The following DSCAML1 variants were observed in gnomAD, a reference collection of about 807,000 sequenced individuals.
DSCAML1 encodes the protein DS cell adhesion molecule like 1.
A neutral mutation model predicts 200.5 loss-of-function variants in DSCAML1; 38 were observed. That is an observed-to-expected ratio of 0.19 (90% CI 0.15 to 0.25). The LOEUF (loss-of-function observed/expected upper bound fraction) is 0.25. Among genes scored for constraint, DSCAML1 ranks in the 10% least tolerant of loss-of-function variants. The pLI, the probability that DSCAML1 is intolerant of heterozygous loss-of-function variation, is 1.00. For synonymous variants in DSCAML1, 1,215 were observed against 1,165.0 expected (o/e 1.04, Z -0.87); for missense variants, 2,223 against 2,858.8 (o/e 0.78, Z 5.07).
chr11:117,688,049 G>A (rs772315559), intron 3 of DSCAML1, among the ~76,000 whole-genome samples: 1 of 152,198 alleles, frequency 6.6e-6, no homozygotes, highest in African/African-American at 2.4e-5. Flanking sequence ...GGAGGAAGGA[G>A]GGAGGAAGAA....
At chr11:117,428,980 C>T (rs1156817524) in intron 32 of DSCAML1, among the ~76,000 whole-genome samples, 177 bp from the exon 33 acceptor site, 1 of 152,152 alleles carries the variant, frequency 6.6e-6, no homozygotes, top group Non-Finnish European at 1.5e-5. Context: ...TCTGAGCCTT[C>T]GTTTCCTTAT....
At position 117,666,396 on chromosome 11, in the gene DSCAML1, G is replaced by A. The variant is rs187116172; in HGVS notation, c.511+110395C>T. Among the ~76,000 whole-genome samples the A allele has an allele frequency of 2.5e-3, 382 of 152,338 alleles. 1 individual carries two copies. The highest frequency in any genetic ancestry group is 8.6e-3 in the African/African-American group (357 of 41,578). On this transcript the variant is annotated intron_variant, in intron 3 of 32. Transcript: ENST00000651296. The stretch of plus-strand genomic sequence containing the variant: ...TTAGTGCCCCTGCCTCTGTCTAATA[G>A]TCAGACGCCTACATTATAACAGAGT...
rs1337824885 is a variant in DSCAML1, at chr11:117,776,827, C to A, written c.475G>T (p.Val159Leu). The change falls in exon 3 of 33, where the codon GTA becomes TTA. Residue 159 changes from valine (V) to leucine (L), a missense_variant. By Grantham distance (32) the Val-to-Leu change is conservative (BLOSUM62 1). Coordinates refer to ENST00000651296, the MANE Select transcript of DSCAML1 (RefSeq NM_020693.4). ...PSSVQEYVSVVSWEKDTVSII... is the reference protein window; with the variant it reads ...PSSVQEYVSVLSWEKDTVSII... Reference sequence around the variant, plus strand: ...GAGACTGTGTCTTTCTCCCAAGATACAACGCTAACATATTCCTGCACTGAA... The same window carrying A: ...GAGACTGTGTCTTTCTCCCAAGATAAAACGCTAACATATTCCTGCACTGAA... The A allele has an allele frequency of 1.2e-6, 2 of 1,614,050 alleles. No homozygotes were observed. The highest frequency in any genetic ancestry group is 1.7e-6 in the Non-Finnish European group (2 of 1,180,028).
In DSCAML1 at chr11:117,481,933, G is replaced by GA. The variant is rs2048931686; in HGVS notation, c.2559+29_2559+30insT. 3 of 1,611,832 alleles carry GA rather than the reference G, an allele frequency of 1.9e-6. No individual in the cohort carries two copies. In the African/African-American group the frequency reaches 4.0e-5, roughly 21 times the overall value. ...GGCTCCCCACTCTCTGAGAGTTGGG[G>GA]TCCCCCAGCACTGAGGTGGGGGTGC... On this transcript the variant is annotated intron_variant, in intron 12 of 32. Coordinates refer to ENST00000651296, the MANE Select transcript of DSCAML1 (RefSeq NM_020693.4).
intron 3 of DSCAML1, among the ~76,000 whole-genome samples, chr11:117,742,027 T>C (rs530611987): frequency 3.2e-4 from 48 of 152,300 alleles, no homozygotes; most frequent in Non-Finnish European, 5.1e-4. Context: ...ATGAGACATC[T>C]CCTCTCCTCA....
At chr11:117,646,311 A>G (rs1455854709) in intron 3 of DSCAML1, among the ~76,000 whole-genome samples, 1 of 151,554 alleles carries the variant, frequency 6.6e-6, no homozygotes, top group East Asian at 1.9e-4. Context: ...TCCCAGGGAA[A>G]GGTTTTCTGT....
intron 13 of DSCAML1, 133 bp downstream of exon 13, chr11:117,481,041 T>C: frequency 1.2e-6 from 1 of 842,912 alleles, no homozygotes; most frequent in Non-Finnish European, 1.9e-6. Flanking sequence ...AGGGAGGCTT[T>C]TCCCCAGAAG....
At chr11:117,758,193 C>A (rs1486142836) in intron 3 of DSCAML1, among the ~76,000 whole-genome samples, 1 of 150,594 alleles carries the variant, frequency 6.6e-6, no homozygotes, top group African/African-American at 2.4e-5. Flanking sequence ...CCCAGCTAGT[C>A]GGGAGGCTGA....
At chr11:117,612,558 T>A (rs2051717998) in intron 3 of DSCAML1, among the ~76,000 whole-genome samples, 1 of 151,998 alleles carries the variant, frequency 6.6e-6, no homozygotes, top group South Asian at 2.1e-4. Context: ...AATAAAGAGA[T>A]CAATACTGGT....
At chr11:117,811,714 G>A (rs1008756137) in intron 1 of DSCAML1, among the ~76,000 whole-genome samples, 5 of 152,276 alleles carry the variant, frequency 3.3e-5, no homozygotes, top group African/African-American at 9.6e-5. Flanking sequence ...AAGGCTCCCT[G>A]ACTGACTCCT....
At chr11:117,429,641 T>C (rs908384316) in intron 32 of DSCAML1, among the ~76,000 whole-genome samples, 1 of 152,244 alleles carries the variant, frequency 6.6e-6, no homozygotes, top group African/African-American at 2.4e-5. Context: ...CCCAAAGTGC[T>C]GGGATTACAG....
At chr11:117,753,363 C>G (rs1046113080) in intron 3 of DSCAML1, among the ~76,000 whole-genome samples, 8 of 152,288 alleles carry the variant, frequency 5.3e-5, no homozygotes, top group African/African-American at 1.9e-4. Flanking sequence ...TCCCTTTGCC[C>G]TTTGTTGCTG....
At chr11:117,644,563 C>T (rs1244879468) in intron 3 of DSCAML1, among the ~76,000 whole-genome samples, 2 of 152,276 alleles carry the variant, frequency 1.3e-5, no homozygotes, top group Non-Finnish European at 2.9e-5. Context: ...ACATCCATCA[C>T]TTTCCCCAGC....
intron 3 of DSCAML1, among the ~76,000 whole-genome samples, chr11:117,733,918 T>C (rs1188299184): frequency 6.6e-6 from 1 of 151,388 alleles, no homozygotes; most frequent in Non-Finnish European, 1.5e-5. Context: ...CCTCTGGGCC[T>C]CCAATCTCAG....
Position 117,506,499 on chromosome 11 carries a change from C to T in DSCAML1, c.1784-767G>A, listed in dbSNP as rs557918990. ...GTGTCATCACCGTGTGGCTTGGTTGCCTCTCCAAGAAAGCCCCAGACATGC... is the reference window on the plus strand; with the variant it reads ...GTGTCATCACCGTGTGGCTTGGTTGTCTCTCCAAGAAAGCCCCAGACATGC... On this transcript the variant is annotated intron_variant, in intron 8 of 32. Coordinates refer to ENST00000651296, the MANE Select transcript of DSCAML1 (RefSeq NM_020693.4). 2.6e-5 allele frequency among the ~76,000 whole-genome samples: 4 copies of T among 151,664 alleles called. No homozygotes were observed. In the East Asian group the frequency reaches 7.8e-4, roughly 29 times the overall value.
rs2048900721 is a variant in DSCAML1, at chr11:117,480,847, A to G, written c.2657-276T>C. 6.6e-6 allele frequency among the ~76,000 whole-genome samples: 1 copy of G among 151,862 alleles called. No homozygotes were observed. The highest frequency in any genetic ancestry group is 1.9e-4 in the East Asian group (1 of 5,168). On this transcript the variant is annotated intron_variant, in intron 13 of 32. Transcript: ENST00000651296. The surrounding 1 kb of genome is among the most constrained non-coding windows in gnomAD (Gnocchi z 4.1). The stretch of plus-strand genomic sequence containing the variant: ...TAGCTGACGGCATTTTTCCCCTTCC[A>G]ACTTCCCCAGCTTGACTTTCCCTTC...
chr11:117,571,162 C>T (rs2050842151), intron 3 of DSCAML1, among the ~76,000 whole-genome samples: 1 of 152,232 alleles, frequency 6.6e-6, no homozygotes, highest in Non-Finnish European at 1.5e-5. Context: ...CGCCTGTGCC[C>T]AGGGCCCTCT....
intron 3 of DSCAML1, among the ~76,000 whole-genome samples, chr11:117,771,233 T>C (rs1344248640): frequency 1.3e-5 from 2 of 152,214 alleles, no homozygotes; most frequent in East Asian, 1.9e-4. Context: ...AATTAATAAA[T>C]TGAATTTGCA....
chr11:117,648,320 G>A (rs749663538), intron 3 of DSCAML1, among the ~76,000 whole-genome samples: 3 of 152,184 alleles, frequency 2.0e-5, no homozygotes, highest in Admixed American at 6.5e-5. Context: ...AGCAGGGGCC[G>A]GCTCAAGGTT....
Sources: gnomAD v4.1 joint callset for allele counts (sites outside exome capture counted in the v4.1 genomes callset) on GRCh38, gnomAD v4.1.1 for gene constraint, Gnocchi (gnomAD v3.1) non-coding constraint, MANE v1.5 for transcripts, NCBI Gene and HGNC (gene_info 2026-07-23, HGNC 2026-07-21) for gene names.